Variants in ZNF610 observed in about 807,000 individuals in gnomAD.
ZNF610 encodes zinc finger protein 610.
ZNF610 carries 14 observed loss-of-function variants against 14.1 expected under a neutral mutation model. The observed-to-expected ratio is 0.99, with a 90% CI of 0.65 to 1.55. ZNF610 has a LOEUF of 1.55. Ranked by LOEUF, ZNF610 falls within the 40% of genes most tolerant of loss-of-function variation. The pLI, the probability that ZNF610 is intolerant of heterozygous loss-of-function variation, is 0.00. For missense variants in ZNF610, 530 were observed against 558.0 expected (o/e 0.95, Z 0.51); for synonymous variants, 185 against 187.6 (o/e 0.99, Z 0.11).
intron 5 of ZNF610, among the ~76,000 whole-genome samples, chr19:52,364,952 T>A (rs1221319394): frequency 6.6e-6 from 1 of 152,098 alleles, no homozygotes; most frequent in African/African-American, 2.4e-5. Context: ...TGCTTTAAGA[T>A]GTTTAATGAT....
In ZNF610 at chr19:52,366,223, A is replaced by C; in HGVS notation, c.845A>C (p.His282Pro). Residue 282 changes from histidine to proline, a missense_variant, in exon 6 of 6, where the codon CAT (histidine) becomes CCT (proline). Physicochemically the swap from His to Pro is moderately conservative, Grantham distance 77. Coordinates refer to ENST00000403906, the MANE Select transcript of ZNF610 (RefSeq NM_001161425.2). ...AACCTTGCACGACATCAAAGAATTC[A>C]TACTGGAGAGAAGCCTCACAAATGT... ...NSNLARHQRI[H>P]TGEKPHKCNE... 1 of 1,614,152 alleles carries C rather than the reference A, an allele frequency of 6.2e-7. No individual in the cohort carries two copies. The highest frequency in any genetic ancestry group is 8.5e-7 in the Non-Finnish European group (1 of 1,180,018).
At chr19:52,338,759 G>C (rs1173034533) in intron 1 of ZNF610, among the ~76,000 whole-genome samples, 1 of 152,076 alleles carries the variant, frequency 6.6e-6, no homozygotes, top group African/African-American at 2.4e-5. Context: ...GGTGTGCACT[G>C]GCGCGATATT....
rs757318647 is a variant in ZNF610, at chr19:52,349,219, G to A, written c.47G>A (p.Gly16Glu). ...EAQKRKAKES[G>E]MALPQGRLTF... ...CAGAAGAGGAAAGCAAAGGAGTCAG[G>A]GATGGCTCTTCCTCAGGTAAAGTGA... Residue 16 changes from glycine (G) to glutamate (E), a missense_variant, in exon 3 of 6, where the codon GGG (glycine) becomes GAG (glutamate). Transcript: ENST00000403906. 9.3e-6 allele frequency: 15 copies of A among 1,613,014 alleles called. No homozygotes were observed. The Middle Eastern group carries it at 4.9e-4, about 53-fold the overall frequency.
At chr19:52,359,648 C>A (rs1203505685) in intron 5 of ZNF610, among the ~76,000 whole-genome samples, 1 of 152,182 alleles carries the variant, frequency 6.6e-6, no homozygotes, top group Non-Finnish European at 1.5e-5. Context: ...TCTGTCAAGA[C>A]AGAATAAGAC....
Position 52,336,308 on chromosome 19 carries a change from A to G in ZNF610, c.-456A>G, listed in dbSNP as rs1984374575. 3.4e-6 allele frequency: 1 copy of G among 291,796 alleles called. No individual in the cohort carries two copies. Among genetic ancestry groups the G allele is most frequent in the Non-Finnish European group, 6.5e-6 (1 of 154,510 alleles). 18.1% of individuals were successfully genotyped at this position (291,796 alleles called of 1,614,324 possible). A position where few individuals can be genotyped will look rare whatever the true frequency, so the allele number is the denominator to read the frequency against. On this transcript the variant is annotated 5_prime_UTR_variant, in exon 1 of 6. Coordinates refer to ENST00000403906, the MANE Select transcript of ZNF610 (RefSeq NM_001161425.2). ...GCAGCGCGTCAGTTTCCCTTTGTTTAGATTCAATCTGGGCTTCCCAGCTCC... is the reference window on the plus strand; with the variant it reads ...GCAGCGCGTCAGTTTCCCTTTGTTTGGATTCAATCTGGGCTTCCCAGCTCC...
intron 5 of ZNF610, among the ~76,000 whole-genome samples, chr19:52,363,724 A>G (rs1985893970): frequency 1.3e-5 from 2 of 152,204 alleles, no homozygotes; most frequent in Admixed American, 1.3e-4. Context: ...ATCCTTTTCC[A>G]TCCTTTCAGT....
Position 52,365,688 on chromosome 19 carries a change from T to G in ZNF610, c.320-10T>G, listed in dbSNP as rs763024226. On this transcript the variant is annotated splice_polypyrimidine_tract_variant and intron_variant, in intron 5 of 5. Transcript: ENST00000403906. ...CATGGGTTCATGTTCTACTCTTTCT[T>G]CTTTTCTAGGGAGGAGCTGTGTATT... 33 of 1,586,230 alleles carry G rather than the reference T, an allele frequency of 2.1e-5. No homozygotes were observed. Among genetic ancestry groups the G allele is most frequent in the Non-Finnish European group, 2.7e-5 (32 of 1,169,388 alleles).
At chr19:52,335,967 G>A (rs1984352297), upstream of ZNF610, among the ~76,000 whole-genome samples, 1 of 151,842 alleles carries the variant, frequency 6.6e-6, no homozygotes, top group Non-Finnish European at 1.5e-5. Context: ...CTGGGCTGAA[G>A]CGATCCTCCA....
rs569198417 is a variant in ZNF610 at position 52,363,561 on chromosome 19, A to G, written c.320-2137A>G. Among the ~76,000 whole-genome samples, 95 of 152,232 alleles carry G rather than the reference A, an allele frequency of 6.2e-4. 1 individual carries two copies. In the South Asian group the frequency reaches 0.019, roughly 30 times the overall value. On this transcript the variant is annotated intron_variant, in intron 5 of 5. Transcript: ENST00000403906. ...AGGGGCTGTGATATTTGGTGCCTAT[A>G]TATTTATAGTTGTTATATCTTCTTG...
At chr19:52,336,707 C>G (rs1219250040) in intron 1 of ZNF610, among the ~76,000 whole-genome samples, 4 of 152,308 alleles carry the variant, frequency 2.6e-5, no homozygotes, top group East Asian at 1.9e-4. Context: ...TCCTGGGACC[C>G]TTGAGACCCC....
At chr19:52,364,624 G>A (rs920647067) in intron 5 of ZNF610, among the ~76,000 whole-genome samples, 5 of 152,156 alleles carry the variant, frequency 3.3e-5, no homozygotes, top group East Asian at 1.9e-4. Context: ...GTGCTGTGGC[G>A]CGATCTTGGC....
At position 52,353,805 on chromosome 19, in the gene ZNF610, C is replaced by G; in HGVS notation, c.187C>G (p.Leu63Val). 1 of 1,610,506 alleles carries G rather than the reference C, an allele frequency of 6.2e-7. No homozygotes were observed. The part of the protein sequence containing the change: ...MLENYRNLVF[L>V]GICLPDLSII... ...GGAGAACTACAGGAACCTGGTCTTTCTGGGTGAGGATGACTTCCCTCCAGA... is the reference window on the plus strand; with the variant it reads ...GGAGAACTACAGGAACCTGGTCTTTGTGGGTGAGGATGACTTCCCTCCAGA... The change falls in exon 4 of 6, where the codon CTG becomes GTG. Residue 63 changes from leucine (L) to valine (V), a missense_variant. Transcript: ENST00000403906.
In ZNF610 at chr19:52,367,655, GAGTT is replaced by G. The variant is rs1354020642; in HGVS notation, c.*893_*896del. On this transcript the variant is annotated 3_prime_UTR_variant, in exon 6 of 6. Transcript: ENST00000403906. ...TGTTGAGTAATTACACTTAGTACTT[GAGTT>G]AGTTTCTCTGTACTCTGGTGTAGGA... 1.6e-4 allele frequency: 25 copies of G among 152,120 alleles called. No homozygotes were observed. Among genetic ancestry groups the G allele is most frequent in the African/African-American group, 6.0e-4 (25 of 41,418 alleles). The allele number at this position is 152,120 out of a possible 1,614,324, so 9.4% of individuals were successfully genotyped here.
rs1985383015 is a variant in ZNF610 at position 52,353,775 on chromosome 19, A to G, written c.157A>G (p.Met53Val). The G allele has an allele frequency of 1.2e-6, 2 of 1,613,324 alleles. No individual in the cohort carries two copies. Among genetic ancestry groups the G allele is most frequent in the Non-Finnish European group, 1.7e-6 (2 of 1,179,772 alleles). The change falls in exon 4 of 6, where the codon ATG becomes GTG. Residue 53 changes from methionine (M) to valine (V), a missense_variant. Transcript: ENST00000403906. ...PGQRALYRDVMLENYRNLVFL... is the reference protein window; with the variant it reads ...PGQRALYRDVVLENYRNLVFL... ...ACAGAGGGCTTTATACAGGGACGTG[A>G]TGTTGGAGAACTACAGGAACCTGGT...
rs917555280 is a variant in ZNF610, at chr19:52,353,767, G to A, written c.149G>A (p.Arg50Lys). 1.9e-6 allele frequency: 3 copies of A among 1,613,118 alleles called. No homozygotes were observed. The highest frequency in any genetic ancestry group is 1.3e-5 in the African/African-American group (1 of 74,886). Residue 50 changes from arginine to lysine, a missense_variant, in exon 4 of 6, where the codon AGG (arginine) becomes AAG (lysine). Physicochemically the swap from Arg to Lys is conservative, Grantham distance 26 (BLOSUM62 2). Coordinates refer to ENST00000403906, the MANE Select transcript of ZNF610 (RefSeq NM_001161425.2). Reference sequence around the variant, plus strand: ...GACCCTGGACAGAGGGCTTTATACAGGGACGTGATGTTGGAGAACTACAGG... The same window carrying A: ...GACCCTGGACAGAGGGCTTTATACAAGGACGTGATGTTGGAGAACTACAGG... Reference protein sequence around the residue: ...SLDPGQRALYRDVMLENYRNL... With the variant: ...SLDPGQRALYKDVMLENYRNL...
intron 5 of ZNF610, among the ~76,000 whole-genome samples, chr19:52,358,404 G>A (rs887583287): frequency 1.3e-5 from 2 of 152,136 alleles, no homozygotes; most frequent in East Asian, 1.9e-4. Flanking sequence ...GGATGGTCTC[G>A]ATCTCCTGAC....
At chr19:52,332,083 C>T (rs62111466), upstream of ZNF610, among the ~76,000 whole-genome samples, 4 of 152,302 alleles carry the variant, frequency 2.6e-5, no homozygotes, top group Admixed American at 6.5e-5. This position sits in a 1 kb window ranked among gnomAD's most constrained non-coding sequence, Gnocchi z 4.1. Flanking sequence ...ACGAGTCTGC[C>T]GGCAGCGGAT....
At chr19:52,349,378 G>C (rs1568648789) in intron 3 of ZNF610, 143 bp downstream of exon 3, 4 of 1,358,872 alleles carry the variant, frequency 2.9e-6, no homozygotes, top group Non-Finnish European at 4.1e-6. Flanking sequence ...TCGTGACCCA[G>C]TGACATGAAT....
intron 5 of ZNF610, among the ~76,000 whole-genome samples, chr19:52,359,593 A>C (rs1055970376): frequency 1.1e-4 from 16 of 151,806 alleles, no homozygotes; most frequent in Admixed American, 6.6e-4. Flanking sequence ...TTTAAGAAAA[A>C]CTCTCAAACC....
Sources: gnomAD v4.1 joint callset for allele counts (sites outside exome capture counted in the v4.1 genomes callset) on GRCh38, gnomAD v4.1.1 for gene constraint, Gnocchi (gnomAD v3.1) non-coding constraint, MANE v1.5 for transcripts, NCBI Gene and HGNC (gene_info 2026-07-23, HGNC 2026-07-21) for gene names.